The following MACROD2 variants were observed in gnomAD, a reference collection of about 807,000 sequenced individuals.
The protein encoded by MACROD2 is ADP-ribose glycohydrolase MACROD2.
In MACROD2, 36 loss-of-function variants were observed where a neutral mutation model predicts 70.4. That is an observed-to-expected ratio of 0.51 (90% CI 0.39 to 0.68). The LOEUF (loss-of-function observed/expected upper bound fraction) is 0.68. MACROD2 is among the 30% of genes least tolerant of loss of function. MACROD2 has a pLI of 0.00. For synonymous variants in MACROD2, 172 were observed against 178.8 expected (o/e 0.96, Z 0.30); for missense variants, 496 against 538.4 (o/e 0.92, Z 0.78).
chr20:15,599,306 C>T (rs1298859297), intron 8 of MACROD2, among the ~76,000 whole-genome samples: 1 of 151,896 alleles, frequency 6.6e-6, no homozygotes, highest in South Asian at 2.1e-4. Flanking sequence ...GCAGGGGAAT[C>T]GCTTGAACCC....
intron 8 of MACROD2, among the ~76,000 whole-genome samples, chr20:15,533,492 A>C (rs1015255024): frequency 1.3e-5 from 2 of 152,110 alleles, no homozygotes; most frequent in African/African-American, 4.8e-5. Context: ...ATTTCAGACA[A>C]CAAAAAAACC....
At chr20:14,938,003 G>GTTTGTTTTTTTTTTTTTTTTTTTTTTT (rs2074355780) in intron 5 of MACROD2, among the ~76,000 whole-genome samples, 1 of 136,028 alleles carries the variant, frequency 7.4e-6, no homozygotes. Context: ...CAGATAACAA[G>GTTTGTTTTTTTTTTTTTTTTTTTTTTT]TTTTTTTTTT....
At chr20:14,843,833 C>CTCA (rs2073111599) in intron 5 of MACROD2, among the ~76,000 whole-genome samples, 1 of 152,066 alleles carries the variant, frequency 6.6e-6, no homozygotes, top group African/African-American at 2.4e-5. Flanking sequence ...TTTGTTTGTA[C>CTCA]AAGTTCTTTT....
chr20:15,391,320 A>C (rs1335453251), intron 6 of MACROD2, among the ~76,000 whole-genome samples: 2 of 152,238 alleles, frequency 1.3e-5, no homozygotes, highest in African/African-American at 4.8e-5. Flanking sequence ...ATGGCAGTAA[A>C]AAATGTGTAA....
chr20:15,601,000 G>A (rs1221805898), intron 8 of MACROD2, among the ~76,000 whole-genome samples: 2 of 152,070 alleles, frequency 1.3e-5, no homozygotes, highest in African/African-American at 4.8e-5. Flanking sequence ...TCATCACATA[G>A]CAAATTAGCC....
chr20:15,567,609 G>A (rs959600299), intron 8 of MACROD2, among the ~76,000 whole-genome samples: 1 of 152,188 alleles, frequency 6.6e-6, no homozygotes, highest in Non-Finnish European at 1.5e-5. Flanking sequence ...AGGATACTCT[G>A]GCAACAACTT....
At chr20:14,263,008 G>A (rs112959650) in intron 3 of MACROD2, among the ~76,000 whole-genome samples, 43 of 152,204 alleles carry the variant, frequency 2.8e-4, no homozygotes, top group African/African-American at 9.4e-4. Context: ...TTGAAGAAGA[G>A]GTCAGTAGAG....
chr20:14,785,648 T>G (rs1179602638), intron 5 of MACROD2, among the ~76,000 whole-genome samples: 1 of 152,082 alleles, frequency 6.6e-6, no homozygotes, highest in East Asian at 1.9e-4. Flanking sequence ...AACCCCAAAT[T>G]ACTGTGACTT....
At chr20:15,687,923 T>A (rs576660367) in intron 8 of MACROD2, among the ~76,000 whole-genome samples, 1 of 152,294 alleles carries the variant, frequency 6.6e-6, no homozygotes, top group South Asian at 2.1e-4. Flanking sequence ...CTCAGGTTTT[T>A]GAAACTCAAA....
At chr20:14,781,779 G>A (rs1261973798) in intron 5 of MACROD2, among the ~76,000 whole-genome samples, 1 of 151,824 alleles carries the variant, frequency 6.6e-6, no homozygotes, top group African/African-American at 2.4e-5. Context: ...GCAAAAAGAG[G>A]CAGATTTAGT....
chr20:14,245,295 G>A (rs1441982185), intron 3 of MACROD2, among the ~76,000 whole-genome samples: 1 of 151,528 alleles, frequency 6.6e-6, no homozygotes, highest in Non-Finnish European at 1.5e-5. Flanking sequence ...CCTGGGAGGT[G>A]GAGCTTGCAG....
chr20:14,769,062 A>G (rs2072130702), intron 5 of MACROD2, among the ~76,000 whole-genome samples: 1 of 152,088 alleles, frequency 6.6e-6, no homozygotes, highest in Non-Finnish European at 1.5e-5. Flanking sequence ...TGACCTCCTT[A>G]TAGAATATGA....
intron 5 of MACROD2, among the ~76,000 whole-genome samples, chr20:14,909,056 C>A (rs1242299556): frequency 6.6e-6 from 1 of 152,114 alleles, no homozygotes; most frequent in Non-Finnish European, 1.5e-5. Flanking sequence ...TAAAAATATT[C>A]TGTTTCACCA....
At chr20:14,013,786 A>T (rs767565909) in intron 2 of MACROD2, among the ~76,000 whole-genome samples, 19 of 139,258 alleles carry the variant, frequency 1.4e-4, no homozygotes, top group Non-Finnish European at 2.6e-4. Flanking sequence ...GGGTTCCAGC[A>T]GTTCTCCTGC....
chr20:14,044,472 C>T (rs940807094), intron 2 of MACROD2, among the ~76,000 whole-genome samples: 1 of 152,084 alleles, frequency 6.6e-6, no homozygotes, highest in African/African-American at 2.4e-5. Flanking sequence ...TCTTATTTGG[C>T]CCCACCCACA....
intron 3 of MACROD2, among the ~76,000 whole-genome samples, chr20:14,447,053 C>G (rs1375370000): frequency 6.6e-6 from 1 of 152,006 alleles, no homozygotes; most frequent in Non-Finnish European, 1.5e-5. Context: ...GAGTCTCGCT[C>G]TGTCGCCCAG....
chr20:15,235,497 A>G (rs962653438), intron 6 of MACROD2, among the ~76,000 whole-genome samples: 2 of 152,234 alleles, frequency 1.3e-5, no homozygotes, highest in African/African-American at 4.8e-5. Flanking sequence ...AATGGGAAAG[A>G]TGATGGGCCT....
intron 5 of MACROD2, among the ~76,000 whole-genome samples, chr20:14,751,675 G>A (rs187278893): frequency 4.6e-5 from 7 of 152,258 alleles, no homozygotes; most frequent in African/African-American, 1.4e-4. Flanking sequence ...CTAGACAGGC[G>A]TGTCCTTCTC....
intron 8 of MACROD2, among the ~76,000 whole-genome samples, chr20:15,684,195 A>G (rs1256341306): frequency 6.6e-6 from 1 of 152,030 alleles, no homozygotes; most frequent in East Asian, 1.9e-4. Flanking sequence ...TTGGCTTGTG[A>G]TTTCTTCCTA....
Sources: allele counts gnomAD v4.1 joint callset (sites outside exome capture counted in the v4.1 genomes callset), GRCh38; gene constraint gnomAD v4.1.1; transcripts MANE v1.5; gene names NCBI Gene and HGNC (gene_info 2026-07-23, HGNC 2026-07-21).